MAGI2: variants seen among roughly 807,000 people sequenced by gnomAD.
MAGI2 encodes membrane associated guanylate kinase, WW and PDZ domain containing 2.
In MAGI2, 35 loss-of-function variants were observed where a neutral mutation model predicts 133.3. The ratio of observed to expected loss-of-function variants is 0.26; its 90% CI spans 0.20 to 0.35. The LOEUF is 0.35. Ranked by LOEUF, MAGI2 falls within the 10% of genes least tolerant of loss-of-function variation. The probability of loss-of-function intolerance (pLI) is 1.00; values close to 1 mark genes in which losing one functional copy is unlikely to be tolerated. For synonymous variants in MAGI2, 729 were observed against 710.6 expected, an observed-to-expected ratio of 1.03 and a Z score of -0.41; for missense variants, 1,636 against 1,863.4, an observed-to-expected ratio of 0.88 and a Z score of 2.25.
In MAGI2 at chr7:78,018,845, T is replaced by G. The variant is rs951301298; in HGVS notation, c.*470A>C. ...GTCGAGAACAATTTATTTACAACGCTTTAGATCAATTAAAAGATATAATCT... is the reference window on the plus strand; with the variant it reads ...GTCGAGAACAATTTATTTACAACGCGTTAGATCAATTAAAAGATATAATCT... On this transcript the variant is annotated 3_prime_UTR_variant, in exon 22 of 22. Transcript: ENST00000354212. 1 of 278,990 alleles carries G rather than the reference T, an allele frequency of 3.6e-6. No individual in the cohort carries two copies. 17.3% of individuals were successfully genotyped at this position (278,990 alleles called of 1,614,324 possible).
At chr7:78,887,475 A>C (rs1796357658) in intron 2 of MAGI2, among the ~76,000 whole-genome samples, 1 of 152,194 alleles carries the variant, frequency 6.6e-6, no homozygotes, top group Admixed American at 6.5e-5. Flanking sequence ...GACAATGCTA[A>C]AGTTTGAGGT....
In MAGI2 at chr7:79,234,835, G is replaced by A. The variant is rs543025125; in HGVS notation, c.301+218185C>T. Among the ~76,000 whole-genome samples, 303 of 151,546 alleles carry A rather than the reference G, an allele frequency of 2.0e-3. 1 individual carries two copies. The highest frequency in any genetic ancestry group is 7.0e-3 in the African/African-American group (287 of 41,290). On this transcript the variant is annotated intron_variant, in intron 1 of 21. Coordinates refer to ENST00000354212, the MANE Select transcript of MAGI2 (RefSeq NM_012301.4). Reference sequence around the variant, plus strand: ...CATCCAGCTTTGTTCCGTTGCTGGTGAGGAACTGCGTTCCTTTGGAGGAGG... The same window carrying A: ...CATCCAGCTTTGTTCCGTTGCTGGTAAGGAACTGCGTTCCTTTGGAGGAGG...
At chr7:79,240,647 C>T (rs1222034699) in intron 1 of MAGI2, among the ~76,000 whole-genome samples, 2 of 152,106 alleles carry the variant, frequency 1.3e-5, no homozygotes, top group Non-Finnish European at 2.9e-5. Context: ...TTGTCTCCTT[C>T]CAACTTATGA....
At position 78,352,647 on chromosome 7, in the gene MAGI2, A is replaced by G. The variant is rs758779617; in HGVS notation, c.1104-6604T>C. Among the ~76,000 whole-genome samples, 115 of 152,302 alleles carry G rather than the reference A, an allele frequency of 7.6e-4. 1 individual carries two copies. Among genetic ancestry groups the G allele is most frequent in the Admixed American group, 2.0e-3 (31 of 15,294 alleles). On this transcript the variant is annotated intron_variant, in intron 7 of 21. Transcript: ENST00000354212. Reference sequence around the variant, plus strand: ...TGTCTATGTTGGGGATATAGTATCCAGCTGGGAGGTGGAATCATGGCCAAC... The same window carrying G: ...TGTCTATGTTGGGGATATAGTATCCGGCTGGGAGGTGGAATCATGGCCAAC...
chr7:78,623,935 T>C (rs899129512), intron 3 of MAGI2, among the ~76,000 whole-genome samples: 3 of 152,114 alleles, frequency 2.0e-5, no homozygotes, highest in African/African-American at 7.2e-5. Flanking sequence ...TGGATGTTAG[T>C]ATAACAAAAC....
chr7:78,529,066 C>T (rs894930915), intron 3 of MAGI2, among the ~76,000 whole-genome samples: 8 of 151,796 alleles, frequency 5.3e-5, no homozygotes, highest in South Asian at 2.1e-4. Flanking sequence ...ATTAAATTAA[C>T]GCTGGTTTCA....
intron 1 of MAGI2, among the ~76,000 whole-genome samples, chr7:79,043,132 A>G (rs1370329100): frequency 6.6e-6 from 1 of 152,132 alleles, no homozygotes; most frequent in Non-Finnish European, 1.5e-5. Flanking sequence ...AAAAAGTTAG[A>G]AAGATCTTAA....
chr7:78,576,193 T>C (rs76947001), intron 3 of MAGI2, among the ~76,000 whole-genome samples: 1 of 144,736 alleles, frequency 6.9e-6, no homozygotes, highest in African/African-American at 2.6e-5. Flanking sequence ...TCTATAATGC[T>C]TTTTTTTTTT....
intron 2 of MAGI2, among the ~76,000 whole-genome samples, chr7:78,899,393 C>A (rs569977629): frequency 6.6e-6 from 1 of 152,050 alleles, no homozygotes; most frequent in Non-Finnish European, 1.5e-5. Flanking sequence ...CCCAAGATAC[C>A]GACAGGATCC....
chr7:79,367,198 T>C (rs774633666), intron 1 of MAGI2, among the ~76,000 whole-genome samples: 3 of 152,228 alleles, frequency 2.0e-5, no homozygotes, highest in Non-Finnish European at 2.9e-5. Flanking sequence ...ACTGCAAGAA[T>C]AGTGCTGCTG....
At chr7:78,315,809 A>C (rs1007679463) in intron 9 of MAGI2, among the ~76,000 whole-genome samples, 17 of 152,116 alleles carry the variant, frequency 1.1e-4, no homozygotes, top group African/African-American at 4.1e-4. Flanking sequence ...CTACCTTTAG[A>C]ATTCATTTGC....
intron 20 of MAGI2, among the ~76,000 whole-genome samples, chr7:78,094,892 C>A (rs565164834): frequency 6.6e-6 from 1 of 152,270 alleles, no homozygotes; most frequent in South Asian, 2.1e-4. Context: ...AAGGCTTGAG[C>A]TACTTAAGTG....
At chr7:78,338,260 C>T (rs964703539) in intron 9 of MAGI2, among the ~76,000 whole-genome samples, 1 of 152,146 alleles carries the variant, frequency 6.6e-6, no homozygotes, top group African/African-American at 2.4e-5. Flanking sequence ...TGGCGGCGTA[C>T]CGCTTTTTCT....
At chr7:78,058,001 A>G (rs10239471) in intron 21 of MAGI2, among the ~76,000 whole-genome samples, 57,032 of 111,102 alleles carry the variant, frequency 0.51, 16,189 homozygotes, top group East Asian at 0.7. Flanking sequence ...ATATATATAT[A>G]TATGTATGAG....
chr7:78,335,558 G>T (rs1259206037), intron 9 of MAGI2, among the ~76,000 whole-genome samples: 3 of 152,222 alleles, frequency 2.0e-5, no homozygotes, highest in Non-Finnish European at 4.4e-5. Context: ...TAAAATAAAG[G>T]TATGTGAGAA....
intron 6 of MAGI2, among the ~76,000 whole-genome samples, chr7:78,478,953 C>A (rs1368199640): frequency 1.3e-5 from 2 of 151,844 alleles, no homozygotes; most frequent in Non-Finnish European, 2.9e-5. Context: ...TTTCCTGACC[C>A]ATACCTAGAA....
chr7:78,234,599 GAATATATTTCATATTCATTATATTTCATA>G (rs1563302074), intron 10 of MAGI2, among the ~76,000 whole-genome samples: 1 of 82,740 alleles, frequency 1.2e-5, no homozygotes. Flanking sequence ...ATAATATAAT[GAATATATTTCATATTCATTATATTTCATA>G]TAATATAATG....
chr7:79,446,879 G>A (rs958147254), intron 1 of MAGI2, among the ~76,000 whole-genome samples: 9 of 152,154 alleles, frequency 5.9e-5, no homozygotes, highest in African/African-American at 2.2e-4. Flanking sequence ...GTGAACCCGG[G>A]AGGCGGAGAT....
At position 78,067,930 on chromosome 7, in the gene MAGI2, A is replaced by G. The variant is rs191709128; in HGVS notation, c.3706+11017T>C. Among the ~76,000 whole-genome samples, 402 of 152,304 alleles carry G rather than the reference A, an allele frequency of 2.6e-3. 2 individuals are homozygous for G. Among genetic ancestry groups the G allele is most frequent in the African/African-American group, 9.5e-3 (393 of 41,572 alleles). ...GTTGCCAGGGGTGGGTGTGGAGGGAATGGATGAATAGATGGAGCACAGAGG... is the reference window on the plus strand; with the variant it reads ...GTTGCCAGGGGTGGGTGTGGAGGGAGTGGATGAATAGATGGAGCACAGAGG... On this transcript the variant is annotated intron_variant, in intron 21 of 21. Transcript: ENST00000354212.
Sources: allele counts gnomAD v4.1 joint callset (sites outside exome capture counted in the v4.1 genomes callset), GRCh38; gene constraint gnomAD v4.1.1; transcripts MANE v1.5; gene names NCBI Gene and HGNC (gene_info 2026-07-23, HGNC 2026-07-21).